The following WNK3 variants were observed in gnomAD, a reference collection of about 807,000 sequenced individuals.
WNK3 encodes the protein WNK lysine deficient protein kinase 3, also known as serine/threonine-protein kinase WNK3.
A neutral mutation model predicts 116.7 loss-of-function variants in WNK3; 18 were observed. The observed-to-expected ratio is 0.15, with a 90% confidence interval of 0.11 to 0.23. The LOEUF (loss-of-function observed/expected upper bound fraction) is 0.23, where lower values mean the gene tolerates loss of function less well. Ranked by LOEUF, WNK3 falls within the 10% of genes least tolerant of loss-of-function variation. The pLI, the probability that WNK3 is intolerant of heterozygous loss-of-function variation, is 1.00. For synonymous variants in WNK3, 404 were observed against 469.4 expected (o/e 0.86, Z 1.80); for missense variants, 993 against 1,323.8 (o/e 0.75, Z 3.88).
At chrX:54,286,434 A>G (rs1291746195) in intron 10 of WNK3, among the ~76,000 whole-genome samples, 1 of 111,492 alleles carries the variant, frequency 9.0e-6, no homozygotes, top group African/African-American at 3.3e-5. Context: ...ACCTGAGGTA[A>G]TAGCTGTTTG....
chrX:54,271,171 A>T (rs1056282638), intron 10 of WNK3, among the ~76,000 whole-genome samples: 5 of 112,371 alleles, frequency 4.4e-5, no homozygotes, highest in Admixed American at 9.5e-5. Context: ...AAATTAAAAA[A>T]ATATATATAC....
chrX:54,202,027 G>C, exon 23 of WNK3: 4 of 1,211,389 alleles, frequency 3.3e-6, no homozygotes, highest in Non-Finnish European at 4.5e-6. Flanking sequence ...TCTCTAGTTT[G>C]TGTTGACTTT....
chrX:54,302,949 T>A (rs1416812186), intron 5 of WNK3, among the ~76,000 whole-genome samples: 3 of 90,212 alleles, frequency 3.3e-5, no homozygotes, highest in African/African-American at 1.2e-4. Flanking sequence ...TTTTTTTTTT[T>A]TTTGTAGAGA....
chrX:54,271,354 T>G (rs1364462127), intron 10 of WNK3, among the ~76,000 whole-genome samples: 3 of 112,040 alleles, frequency 2.7e-5, no homozygotes, highest in Non-Finnish European at 5.6e-5. Flanking sequence ...TTTTTTTTAA[T>G]GCCTAACAAG....
intron 2 of WNK3, among the ~76,000 whole-genome samples, chrX:54,316,539 C>CAA (rs781865793): frequency 7.6e-4 from 27 of 35,481 alleles, no homozygotes; most frequent in African/African-American, 1.2e-3. Context: ...GACTCCATCT[C>CAA]AAAAAAAAAA....
At chrX:54,291,674 C>G (rs1557165086) in intron 10 of WNK3, among the ~76,000 whole-genome samples, 1 of 111,867 alleles carries the variant, frequency 8.9e-6, no homozygotes, top group Non-Finnish European at 1.9e-5. Flanking sequence ...CAAACTAAAT[C>G]TACCCCTAGC....
intron 10 of WNK3, among the ~76,000 whole-genome samples, chrX:54,284,619 GGATA>G (rs1461707271): frequency 7.1e-5 from 8 of 111,894 alleles, no homozygotes; most frequent in African/African-American, 2.6e-4. Flanking sequence ...TCTGTGAATA[GGATA>G]GATAAACAAA....
exon 24 of WNK3, chrX:54,197,051 A>G (rs1484160401): frequency 8.9e-6 from 1 of 112,214 alleles, no homozygotes; most frequent in Non-Finnish European, 1.9e-5. Context: ...ATCTCTGAGA[A>G]CCCTGTAAAG....
intron 22 of WNK3, among the ~76,000 whole-genome samples, chrX:54,222,979 A>G (rs1421410553): frequency 1.9e-5 from 2 of 102,978 alleles, no homozygotes; most frequent in Admixed American, 1.1e-4. Context: ...ACATTGGAAA[A>G]TATCTATTTA....
At chrX:54,258,213 G>A (rs1192568906) in intron 11 of WNK3, among the ~76,000 whole-genome samples, 3 of 102,377 alleles carry the variant, frequency 2.9e-5, no homozygotes, top group Non-Finnish European at 6.0e-5. Flanking sequence ...AGGAGGTGGA[G>A]GTTGCAGTGA....
rs782731290 is a variant in WNK3, at chrX:54,249,395, G to A, written c.2953C>T (p.Arg985Cys). Residue 985 changes from arginine to cysteine, a missense_variant, in exon 17 of 24, where the codon CGT (arginine) becomes TGT (cysteine). Around this residue, in one of 4 missense-constraint regions of WNK3, gnomAD observed 836 missense variants for 976.5 expected, o/e 0.86. Coordinates refer to ENST00000354646, the Ensembl canonical transcript of WNK3. Reference sequence around the variant, plus strand: ...CCCTCACATTCAGCTGGAACTGCACGAACTGAAGTAGTAGAGTAACTGGAA... The same window carrying A: ...CCCTCACATTCAGCTGGAACTGCACAAACTGAAGTAGTAGAGTAACTGGAA... 8 of 1,211,619 alleles carry A rather than the reference G, an allele frequency of 6.6e-6. No homozygotes were observed. In the East Asian group the frequency reaches 1.5e-4, roughly 22 times the overall value.
intron 2 of WNK3, among the ~76,000 whole-genome samples, chrX:54,328,398 G>A (rs782410547): frequency 3.6e-5 from 4 of 110,485 alleles, no homozygotes; most frequent in South Asian, 3.9e-4. Flanking sequence ...GGCTGGGCAC[G>A]GTGGCTCATG....
intron 17 of WNK3, among the ~76,000 whole-genome samples, chrX:54,240,689 C>T (rs1557151357): frequency 2.7e-5 from 3 of 111,560 alleles, no homozygotes; most frequent in Admixed American, 9.6e-5. Flanking sequence ...GTGGCTGATA[C>T]GGGCAGCAGG....
At chrX:54,337,597 T>TAAATAAAA (rs1162943338) in intron 1 of WNK3, among the ~76,000 whole-genome samples, 52 of 105,188 alleles carry the variant, frequency 4.9e-4, no homozygotes, top group Middle Eastern at 4.9e-3. Context: ...AATAAATAAA[T>TAAATAAAA]AAAATATTTG....
chrX:54,338,804 C>T (rs782703709), intron 1 of WNK3, among the ~76,000 whole-genome samples: 12 of 108,565 alleles, frequency 1.1e-4, no homozygotes, highest in Non-Finnish European at 2.1e-4. Context: ...GAGTTTGAGA[C>T]CACACTGGCC....
intron 10 of WNK3, among the ~76,000 whole-genome samples, chrX:54,280,211 C>T (rs1186542971): frequency 2.6e-4 from 29 of 109,757 alleles, no homozygotes; most frequent in African/African-American, 9.3e-4. Context: ...AAAGGAGAAT[C>T]GCTTGAACCC....
At chrX:54,295,871 G>C (rs945098683) in intron 7 of WNK3, among the ~76,000 whole-genome samples, 2 of 110,650 alleles carry the variant, frequency 1.8e-5, no homozygotes, top group Non-Finnish European at 3.8e-5. Flanking sequence ...ATTTTTTGTA[G>C]AGATGGGGTC....
At chrX:54,241,741 G>A (rs1349248153) in intron 17 of WNK3, among the ~76,000 whole-genome samples, 1 of 110,784 alleles carries the variant, frequency 9.0e-6, no homozygotes, top group Non-Finnish European at 1.9e-5. Flanking sequence ...ATCATCTGAG[G>A]TCAGGAGTTC....
chrX:54,355,190 A>G (rs1337815475), intron 1 of WNK3, among the ~76,000 whole-genome samples: 1 of 111,751 alleles, frequency 8.9e-6, no homozygotes, highest in Non-Finnish European at 1.9e-5. Flanking sequence ...CAATATAGTA[A>G]AAACAAAACT....
Sources: gnomAD v4.1 joint callset for allele counts (sites outside exome capture counted in the v4.1 genomes callset) on GRCh38, gnomAD v4.1.1 for gene constraint, gnomAD v4.1.1 regional missense constraint, MANE v1.5 for transcripts, NCBI Gene and HGNC (gene_info 2026-07-23, HGNC 2026-07-21) for gene names.